Variants in FAAH2 observed in about 807,000 individuals in gnomAD.
The protein encoded by FAAH2 is fatty-acid amide hydrolase 2.
In FAAH2, 60 loss-of-function variants were observed where a neutral mutation model predicts 36.9. The ratio of observed to expected loss-of-function variants is 1.63; its 90% confidence interval spans 1.32 to 2.02. The LOEUF (loss-of-function observed/expected upper bound fraction) is 2.02, where lower values mean the gene tolerates loss of function less well. Ranked by LOEUF, FAAH2 falls within the 30% of genes most tolerant of loss-of-function variation. The pLI is 0.00. For synonymous variants in FAAH2, 214 were observed against 143.8 expected (o/e 1.49, Z -3.49); for missense variants, 689 against 397.5 (o/e 1.73, Z -6.23).
intron 7 of FAAH2, among the ~76,000 whole-genome samples, chrX:57,420,492 G>T (rs1251601204): frequency 1.8e-5 from 2 of 111,451 alleles, no homozygotes; most frequent in East Asian, 2.8e-4. Flanking sequence ...ATTGTGAATG[G>T]GTGTTCACTG....
At chrX:57,463,731 A>T (rs1454321091) in intron 10 of FAAH2, among the ~76,000 whole-genome samples, 1 of 111,899 alleles carries the variant, frequency 8.9e-6, no homozygotes, top group Non-Finnish European at 1.9e-5. Context: ...TAGAATGGTG[A>T]TCATTAAAAA....
At chrX:57,254,823 G>C in the FAAH2 span, among the ~76,000 whole-genome samples, 2 of 111,633 alleles carry the variant, frequency 1.8e-5, no homozygotes, top group Non-Finnish European at 3.8e-5. Context: ...GAGAAAGCAA[G>C]AGACATCTAA....
chrX:57,278,351 G>A, the FAAH2 span, among the ~76,000 whole-genome samples: 1 of 111,642 alleles, frequency 9.0e-6, no homozygotes, highest in Non-Finnish European at 1.9e-5. Context: ...TTAATAAATG[G>A]TGTTGGGAAA....
chrX:57,322,398 G>A (rs938400605), intron 3 of FAAH2, among the ~76,000 whole-genome samples: 2 of 111,652 alleles, frequency 1.8e-5, no homozygotes, highest in African/African-American at 3.3e-5. Context: ...CCTTTTATAA[G>A]TGACCTACCC....
chrX:57,159,372 T>C, the FAAH2 span, among the ~76,000 whole-genome samples: 132 of 112,083 alleles, frequency 1.2e-3, no homozygotes, highest in African/African-American at 4.2e-3. Context: ...TCCAATTCTA[T>C]GAAGAAAGTC....
At chrX:57,409,177 A>G (rs963850937) in intron 7 of FAAH2, among the ~76,000 whole-genome samples, 2 of 111,754 alleles carry the variant, frequency 1.8e-5, no homozygotes, top group Non-Finnish European at 3.8e-5. Context: ...ACCATCATAA[A>G]TATGGTTCAT....
chrX:57,453,752 G>A (rs1201441979), intron 10 of FAAH2, among the ~76,000 whole-genome samples: 2 of 111,806 alleles, frequency 1.8e-5, no homozygotes, highest in South Asian at 3.8e-4. Flanking sequence ...CCTAGACAGG[G>A]GATTAAGTGA....
the FAAH2 span, among the ~76,000 whole-genome samples, chrX:57,236,963 T>A: frequency 8.9e-6 from 1 of 112,028 alleles, no homozygotes; most frequent in African/African-American, 3.2e-5. Context: ...TCCTTGTGGT[T>A]TTTTCTGATA....
chrX:57,395,018 T>C, intron 7 of FAAH2: 1 of 561,527 alleles, frequency 1.8e-6, no homozygotes, highest in Non-Finnish European at 3.3e-6. Flanking sequence ...TCTAGCAAGT[T>C]TCCCAGCACT....
intron 10 of FAAH2, among the ~76,000 whole-genome samples, chrX:57,472,281 G>T (rs2057183724): frequency 8.9e-6 from 1 of 111,921 alleles, no homozygotes; most frequent in African/African-American, 3.2e-5. Context: ...CACAGCCAAA[G>T]AAACTACCAT....
the FAAH2 span, among the ~76,000 whole-genome samples, chrX:57,166,557 T>C: frequency 8.9e-6 from 1 of 112,322 alleles, no homozygotes; most frequent in Non-Finnish European, 1.9e-5. Context: ...TAAGGGAGCT[T>C]TCCCTGTTTC....
At chrX:57,153,689 G>A in the FAAH2 span, among the ~76,000 whole-genome samples, 2 of 112,268 alleles carry the variant, frequency 1.8e-5, no homozygotes, top group Non-Finnish European at 3.8e-5. Context: ...TGAAGATAGG[G>A]CCCCAATTCC....
chrX:57,142,811 A>G, the FAAH2 span, among the ~76,000 whole-genome samples: 2 of 111,624 alleles, frequency 1.8e-5, no homozygotes, highest in Admixed American at 9.5e-5. Context: ...ATATATTTAC[A>G]ATTATTATAT....
At chrX:57,245,005 C>CA in the FAAH2 span, among the ~76,000 whole-genome samples, 1 of 110,910 alleles carries the variant, frequency 9.0e-6, no homozygotes, top group Non-Finnish European at 1.9e-5. Flanking sequence ...CAAAGAAACA[C>CA]ATAGGCTCAA....
the FAAH2 span, among the ~76,000 whole-genome samples, chrX:57,122,970 G>A: frequency 9.0e-6 from 1 of 111,590 alleles, no homozygotes; most frequent in Non-Finnish European, 1.9e-5. Flanking sequence ...ATATGTCATA[G>A]TTTCAGTGAG....
chrX:57,478,982 G>A (rs1045434382), intron 10 of FAAH2, among the ~76,000 whole-genome samples: 10 of 111,318 alleles, frequency 9.0e-5, no homozygotes, highest in African/African-American at 3.3e-4. Flanking sequence ...CTCTTTTTTG[G>A]TTCCATATGA....
At chrX:57,434,464 T>TA (rs909156273) in intron 8 of FAAH2, among the ~76,000 whole-genome samples, 11 of 109,549 alleles carry the variant, frequency 1.0e-4, no homozygotes, top group South Asian at 3.9e-4. Context: ...GTAGATTTTC[T>TA]AAAAAAATGT....
At chrX:57,453,731 C>A (rs1430441908) in intron 10 of FAAH2, among the ~76,000 whole-genome samples, 1 of 112,012 alleles carries the variant, frequency 8.9e-6, no homozygotes, top group African/African-American at 3.2e-5. Flanking sequence ...TTCTTGAACC[C>A]CCGGAAAGCA....
chrX:57,185,511 T>C, the FAAH2 span, among the ~76,000 whole-genome samples: 14 of 109,516 alleles, frequency 1.3e-4, no homozygotes, highest in African/African-American at 4.7e-4. Flanking sequence ...TGTGTGTGTG[T>C]GTGTGTGTGT....
Sources: gnomAD v4.1 joint callset for allele counts (sites outside exome capture counted in the v4.1 genomes callset) on GRCh38, gnomAD v4.1.1 for gene constraint, MANE v1.5 for transcripts, NCBI Gene and HGNC (gene_info 2026-07-23, HGNC 2026-07-21) for gene names.